The following RAB31 variants were observed in gnomAD, a reference collection of about 807,000 sequenced individuals.
RAB31 encodes the protein RAB31, member RAS oncogene family.
Under a neutral mutation model 25.6 loss-of-function variants are expected in RAB31, and 21 were observed. The observed-to-expected ratio is 0.82, with a 90% CI of 0.58 to 1.18. RAB31 has a LOEUF of 1.18. RAB31 is among the 50% of genes most tolerant of loss of function. RAB31 has a pLI of 0.00. For missense variants in RAB31, 196 were observed against 250.1 expected (o/e 0.78, Z 1.46); for synonymous variants, 87 against 84.0 (o/e 1.04, Z -0.20).
chr18:9,770,209 G>A (rs1239692105), intron 1 of RAB31, among the ~76,000 whole-genome samples: 1 of 152,176 alleles, frequency 6.6e-6, no homozygotes, highest in Non-Finnish European at 1.5e-5. Flanking sequence ...CTCATAAAAT[G>A]AGTTAGGGAG....
intron 1 of RAB31, among the ~76,000 whole-genome samples, chr18:9,714,217 G>A (rs2068032618): frequency 6.6e-6 from 1 of 152,228 alleles, no homozygotes; most frequent in Non-Finnish European, 1.5e-5. Context: ...TTTGGCACTA[G>A]GGATCAGTTT....
intron 2 of RAB31, among the ~76,000 whole-genome samples, chr18:9,779,762 G>A (rs981433728): frequency 1.3e-5 from 2 of 152,176 alleles, no homozygotes; most frequent in Non-Finnish European, 2.9e-5. Context: ...TTGGGTTTCC[G>A]AGTCTTGCAA....
At chr18:9,839,036 T>C (rs947233772) in intron 5 of RAB31, among the ~76,000 whole-genome samples, 2 of 152,210 alleles carry the variant, frequency 1.3e-5, no homozygotes, top group Non-Finnish European at 2.9e-5. Flanking sequence ...AGCCAGGTAA[T>C]GTGAGGATCC....
chr18:9,738,406 A>T (rs567186863), intron 1 of RAB31, among the ~76,000 whole-genome samples: 1 of 152,130 alleles, frequency 6.6e-6, no homozygotes, highest in East Asian at 1.9e-4. Context: ...CAGGGAAGGG[A>T]CCTCCAGGGA....
intron 1 of RAB31, among the ~76,000 whole-genome samples, chr18:9,724,047 A>G (rs7233912): frequency 0.78 from 117,880 of 151,438 alleles, 46,138 homozygotes; most frequent in East Asian, 0.87. Flanking sequence ...CGAGGCGGGC[A>G]GATCACAAGG....
intron 5 of RAB31, among the ~76,000 whole-genome samples, chr18:9,819,810 A>AT (rs566835838): frequency 6.6e-6 from 1 of 151,658 alleles, no homozygotes; most frequent in Non-Finnish European, 1.5e-5. Context: ...TCTGTATTTG[A>AT]TTTTTTTGAT....
At chr18:9,717,836 A>G (rs1046980291) in intron 1 of RAB31, among the ~76,000 whole-genome samples, 2 of 152,222 alleles carry the variant, frequency 1.3e-5, no homozygotes, top group Non-Finnish European at 2.9e-5. Context: ...TAATCAGATT[A>G]TTGGCCAGGG....
rs571794689 is a variant in RAB31 at position 9,805,900 on chromosome 18, C to T, written c.202-8120C>T. On this transcript the variant is annotated intron_variant, in intron 3 of 6. Coordinates refer to ENST00000578921, the MANE Select transcript of RAB31 (RefSeq NM_006868.4). ...ATTTAAGAGCTGTGTGTCGACTGGGCGCAGTGGCTCACGCCTGTAATCCCA... is the reference window on the plus strand; with the variant it reads ...ATTTAAGAGCTGTGTGTCGACTGGGTGCAGTGGCTCACGCCTGTAATCCCA... Among the ~76,000 whole-genome samples, 356 of 151,952 alleles carry T rather than the reference C, an allele frequency of 2.3e-3. 1 individual carries two copies. Among genetic ancestry groups the T allele is most frequent in the African/African-American group, 8.2e-3 (338 of 41,440 alleles).
chr18:9,761,609 C>T (rs1378066376), intron 1 of RAB31, among the ~76,000 whole-genome samples: 3 of 152,094 alleles, frequency 2.0e-5, no homozygotes, highest in Admixed American at 6.6e-5. Context: ...ATGATGGAAC[C>T]GGGGCAGGGT....
chr18:9,721,123 G>C (rs1197452484), intron 1 of RAB31, among the ~76,000 whole-genome samples: 1 of 152,094 alleles, frequency 6.6e-6, no homozygotes, highest in African/African-American at 2.4e-5. Flanking sequence ...TTATGAGCCT[G>C]TCTATCCGTC....
chr18:9,846,597 AT>A (rs1452389639), intron 6 of RAB31, among the ~76,000 whole-genome samples: 1 of 152,220 alleles, frequency 6.6e-6, no homozygotes, highest in Non-Finnish European at 1.5e-5. Context: ...GTCCTCAAAT[AT>A]CTTAGCTCCA....
chr18:9,844,497 A>T lies in RAB31; in HGVS notation c.381-1085A>T, dbSNP rs999969955. ...TGGGGTCTATTGAACAGAACACATC[A>T]CTTCCTGCCCCTCTGCTCCTGAAGC... On this transcript the variant is annotated intron_variant, in intron 5 of 6. Coordinates refer to ENST00000578921, the MANE Select transcript of RAB31 (RefSeq NM_006868.4). 3.3e-5 allele frequency among the ~76,000 whole-genome samples: 5 copies of T among 151,962 alleles called. No individual in the cohort carries two copies. The South Asian group carries it at 1.0e-3, about 32-fold the overall frequency.
At chr18:9,736,762 T>C (rs995698987) in intron 1 of RAB31, among the ~76,000 whole-genome samples, 2 of 152,200 alleles carry the variant, frequency 1.3e-5, no homozygotes, top group Non-Finnish European at 2.9e-5. Flanking sequence ...CTTCAGATTG[T>C]GGTGGTAAAA....
At chr18:9,833,644 C>A (rs1446907647) in intron 5 of RAB31, among the ~76,000 whole-genome samples, 2 of 152,168 alleles carry the variant, frequency 1.3e-5, no homozygotes, top group Non-Finnish European at 2.9e-5. Context: ...GGCACATACA[C>A]GATTTCCACA....
At position 9,738,983 on chromosome 18, in the gene RAB31, T is replaced by C. The variant is rs146790498; in HGVS notation, c.39+30539T>C. ...TGCTTGGTGTGTGGGGAAAACCTCC[T>C]GTACATTTGGTCACAGAAGCATTTT... is the stretch of plus-strand genomic sequence containing the variant. On this transcript the variant is annotated intron_variant, in intron 1 of 6. Transcript: ENST00000578921. 4.4e-3 allele frequency among the ~76,000 whole-genome samples: 665 copies of C among 152,318 alleles called. 7 individuals are homozygous for C. Among genetic ancestry groups the C allele is most frequent in the African/African-American group, 0.016 (651 of 41,564 alleles).
intron 5 of RAB31, among the ~76,000 whole-genome samples, chr18:9,831,300 G>T (rs2068677295): frequency 6.6e-6 from 1 of 152,168 alleles, no homozygotes; most frequent in African/African-American, 2.4e-5. Flanking sequence ...GGCCACTGGG[G>T]TTTCTTTCTG....
At chr18:9,815,030 T>C in intron 4 of RAB31, 86 bp from the exon 5 acceptor site, 1 of 976,134 alleles carries the variant, frequency 1.0e-6, no homozygotes, top group Non-Finnish European at 1.5e-6. Context: ...TTTTCTCCAT[T>C]AAATTGTACT....
chr18:9,845,774 A>G, intron 6 of RAB31, 83 bp downstream of exon 6: 1 of 1,439,010 alleles, frequency 6.9e-7, no homozygotes, highest in Non-Finnish European at 9.1e-7. Context: ...AGAACTCTGA[A>G]GTGAACTTTT....
chr18:9,837,334 A>T (rs944729747), intron 5 of RAB31, among the ~76,000 whole-genome samples: 8 of 152,254 alleles, frequency 5.3e-5, no homozygotes, highest in African/African-American at 1.7e-4. Flanking sequence ...TCAAAATGGA[A>T]CAAGGATTTA....
Sources: allele counts gnomAD v4.1 joint callset (sites outside exome capture counted in the v4.1 genomes callset), GRCh38; gene constraint gnomAD v4.1.1; transcripts MANE v1.5; gene names NCBI Gene and HGNC (gene_info 2026-07-23, HGNC 2026-07-21).